The following PTPRM variants were observed in gnomAD, a reference collection of about 807,000 sequenced individuals.
The protein encoded by PTPRM is receptor-type tyrosine-protein phosphatase mu.
Under a neutral mutation model 186.7 loss-of-function variants are expected in PTPRM, and 47 were observed. The ratio of observed to expected loss-of-function variants is 0.25; its 90% CI spans 0.20 to 0.32. The LOEUF is 0.32. Ranked by LOEUF, PTPRM falls within the 10% of genes least tolerant of loss-of-function variation. The pLI, the probability that PTPRM is intolerant of heterozygous loss-of-function variation, is 1.00. For missense variants in PTPRM, 1,494 were observed against 1,865.0 expected (o/e 0.80, Z 3.66); for synonymous variants, 668 against 674.9 (o/e 0.99, Z 0.16).
chr18:7,571,356 A>G (rs1249534134), intron 1 of PTPRM, among the ~76,000 whole-genome samples: 1 of 152,224 alleles, frequency 6.6e-6, no homozygotes. Context: ...GATGGTATAT[A>G]AGTAAGACAT....
chr18:7,687,682 G>A (rs2039634993), intron 1 of PTPRM, among the ~76,000 whole-genome samples: 1 of 151,796 alleles, frequency 6.6e-6, no homozygotes, highest in Non-Finnish European at 1.5e-5. Flanking sequence ...CAGCAATACC[G>A]TACCTCATAT....
chr18:7,883,957 A>G (rs375828128), intron 2 of PTPRM, among the ~76,000 whole-genome samples: 10 of 152,172 alleles, frequency 6.6e-5, no homozygotes, highest in African/African-American at 2.4e-4. Flanking sequence ...CCTGGGCAAC[A>G]TAGTAAGACC....
chr18:7,773,112 TG>T (rs2042406750), intron 1 of PTPRM, among the ~76,000 whole-genome samples: 1 of 152,076 alleles, frequency 6.6e-6, no homozygotes, highest in Admixed American at 6.5e-5. Flanking sequence ...TATTATTCTT[TG>T]TTTTTTTTTT....
chr18:8,378,365 A>G lies in PTPRM; in HGVS notation c.3563A>G (p.Asn1188Ser), dbSNP rs774507652. The G allele has an allele frequency of 1.4e-5, 23 of 1,613,946 alleles. No individual in the cohort carries two copies. In the East Asian group the frequency reaches 4.7e-4, roughly 33 times the overall value. Residue 1188 changes from asparagine to serine, a missense_variant, in exon 27 of 33, where the codon AAC (asparagine) becomes AGC (serine). This residue lies in a region of PTPRM where 1,107 missense variants were observed against 1,350.2 expected (regional missense o/e 0.82). Coordinates refer to ENST00000580170, the MANE Select transcript of PTPRM (RefSeq NM_001105244.2). ...SQVRSLYYDM[N>S]KLDPQTNSSQ... Reference sequence around the variant, plus strand: ...GTTAGGTCTCTGTATTATGACATGAACAAACTGGATCCACAGACAAACTCA... The same window carrying G: ...GTTAGGTCTCTGTATTATGACATGAGCAAACTGGATCCACAGACAAACTCA...
intron 4 of PTPRM, among the ~76,000 whole-genome samples, chr18:7,916,813 T>G (rs905625045): frequency 2.6e-5 from 4 of 152,282 alleles, no homozygotes; most frequent in South Asian, 2.1e-4. Context: ...CTCTCTTCTA[T>G]TAATAGGTAT....
intron 1 of PTPRM, among the ~76,000 whole-genome samples, chr18:7,613,049 T>C (rs1227539512): frequency 6.6e-6 from 1 of 152,122 alleles, no homozygotes; most frequent in Non-Finnish European, 1.5e-5. Flanking sequence ...GTCCCATCTG[T>C]GATTCAGTTG....
chr18:8,348,222 G>C (rs926484873), intron 23 of PTPRM, among the ~76,000 whole-genome samples: 2 of 152,280 alleles, frequency 1.3e-5, no homozygotes, highest in Non-Finnish European at 2.9e-5. Context: ...ACACAGACTT[G>C]CTGCCGATTC....
At chr18:8,196,487 G>C (rs1446260727) in intron 14 of PTPRM, among the ~76,000 whole-genome samples, 1 of 152,174 alleles carries the variant, frequency 6.6e-6, no homozygotes, top group Admixed American at 6.5e-5. Flanking sequence ...CAGCATACTG[G>C]TTTCGTACAA....
intron 2 of PTPRM, among the ~76,000 whole-genome samples, chr18:7,878,578 G>A (rs1163665376): frequency 1.3e-5 from 2 of 152,182 alleles, no homozygotes; most frequent in Non-Finnish European, 2.9e-5. Context: ...ACTAGCAAGT[G>A]TTTGAATGTG....
At chr18:7,797,592 A>T (rs1173134288) in intron 2 of PTPRM, among the ~76,000 whole-genome samples, 2 of 152,104 alleles carry the variant, frequency 1.3e-5, no homozygotes, top group Non-Finnish European at 2.9e-5. Context: ...ATGCATGTGA[A>T]CTCATGTGGG....
chr18:7,680,482 A>G (rs2039455551), intron 1 of PTPRM, among the ~76,000 whole-genome samples: 1 of 152,204 alleles, frequency 6.6e-6, no homozygotes, highest in African/African-American at 2.4e-5. Flanking sequence ...ATATATTGTC[A>G]TCATATAGTG....
chr18:7,722,516 T>TA (rs2040466822), intron 1 of PTPRM, among the ~76,000 whole-genome samples: 1 of 152,072 alleles, frequency 6.6e-6, no homozygotes, highest in Admixed American at 6.6e-5. Context: ...TGAAGCCAGA[T>TA]AAATACTAAA....
chr18:7,952,198 A>G (rs1020994967), intron 6 of PTPRM, among the ~76,000 whole-genome samples: 9 of 152,272 alleles, frequency 5.9e-5, no homozygotes, highest in African/African-American at 2.2e-4. Flanking sequence ...AGGCATTTAC[A>G]TGTGCGTATC....
intron 1 of PTPRM, among the ~76,000 whole-genome samples, chr18:7,658,359 T>TATATATATATATATATATATATATACAC (rs1491198247): frequency 1.5e-5 from 2 of 136,664 alleles, no homozygotes; most frequent in African/African-American, 5.9e-5. Context: ...TATATATATA[T>TATATATATATATATATATATATATACAC]ACATACACAC....
At chr18:8,122,774 G>T (rs773880592) in intron 13 of PTPRM, among the ~76,000 whole-genome samples, 1 of 152,188 alleles carries the variant, frequency 6.6e-6, no homozygotes, top group Non-Finnish European at 1.5e-5. Flanking sequence ...AATCTTGGCT[G>T]CCAGTAGTAT....
intron 14 of PTPRM, among the ~76,000 whole-genome samples, chr18:8,146,039 T>G (rs1420108923): frequency 1.3e-5 from 2 of 150,964 alleles, no homozygotes; most frequent in Non-Finnish European, 3.0e-5. Flanking sequence ...TTTTTTTTTT[T>G]TTTTGAGATG....
intron 2 of PTPRM, among the ~76,000 whole-genome samples, chr18:7,852,901 A>G (rs2046934993): frequency 6.6e-6 from 1 of 152,184 alleles, no homozygotes; most frequent in Non-Finnish European, 1.5e-5. Flanking sequence ...ACATAGTTAC[A>G]TAGCCTAAAC....
At chr18:8,118,218 A>C (rs772296973) in intron 13 of PTPRM, among the ~76,000 whole-genome samples, 1 of 152,224 alleles carries the variant, frequency 6.6e-6, no homozygotes, top group South Asian at 2.1e-4. Flanking sequence ...AGATTTTTTC[A>C]TAATATGTTA....
intron 2 of PTPRM, among the ~76,000 whole-genome samples, chr18:7,803,429 G>A (rs1001831975): frequency 6.6e-6 from 1 of 152,080 alleles, no homozygotes; most frequent in Admixed American, 6.6e-5. Context: ...AAGGACTCTT[G>A]TGATTATGTG....
Sources: gnomAD v4.1 joint callset for allele counts (sites outside exome capture counted in the v4.1 genomes callset) on GRCh38, gnomAD v4.1.1 for gene constraint, gnomAD v4.1.1 regional missense constraint, MANE v1.5 for transcripts, NCBI Gene and HGNC (gene_info 2026-07-23, HGNC 2026-07-21) for gene names.